SLIT3: variants seen among roughly 807,000 people sequenced by gnomAD.
SLIT3 encodes slit guidance ligand 3.
SLIT3 carries 68 observed loss-of-function variants against 184.0 expected under a neutral mutation model. That is an observed-to-expected ratio of 0.37 (90% confidence interval 0.30 to 0.45). The LOEUF is 0.45. Ranked by LOEUF, SLIT3 falls within the 20% of genes least tolerant of loss-of-function variation. SLIT3 has a pLI of 1.00. For synonymous variants in SLIT3, 831 were observed against 828.6 expected (o/e 1.00, Z -0.05); for missense variants, 1,707 against 2,026.0 (o/e 0.84, Z 3.02).
intron 5 of SLIT3, among the ~76,000 whole-genome samples, chr5:168,856,786 TGTGTGTGTGTGTGTGTGTGTGC>T (rs1306397785): frequency 6.9e-6 from 1 of 145,414 alleles, no homozygotes; most frequent in Non-Finnish European, 1.5e-5. Context: ...TGTGTGTGTG[TGTGTGTGTGTGTGTGTGTGTGC>T]GCGCGCGCGC....
chr5:169,209,460 T>A (rs56735780), intron 3 of SLIT3, among the ~76,000 whole-genome samples: 9,654 of 152,214 alleles, frequency 0.063, 400 homozygotes, highest in Middle Eastern at 0.1. Context: ...ACCCAAAGAA[T>A]TATAAATCAT....
intron 1 of SLIT3, among the ~76,000 whole-genome samples, chr5:169,255,994 A>T (rs2113603675): frequency 6.6e-6 from 1 of 152,330 alleles, no homozygotes; most frequent in African/African-American, 2.4e-5. Flanking sequence ...AGTGAATAGT[A>T]ATGTCCTAGG....
intron 4 of SLIT3, among the ~76,000 whole-genome samples, chr5:169,122,220 C>G (rs1019644720): frequency 6.6e-6 from 1 of 152,208 alleles, no homozygotes; most frequent in Non-Finnish European, 1.5e-5. Flanking sequence ...GAAACACACT[C>G]AGTTATTACA....
At chr5:168,677,548 A>G (rs1761453421) in intron 32 of SLIT3, among the ~76,000 whole-genome samples, 1 of 152,176 alleles carries the variant, frequency 6.6e-6, no homozygotes, top group African/African-American at 2.4e-5. Context: ...TCCCTGGTTC[A>G]AGCAATTTTC....
chr5:169,271,530 A>C (rs66954503), intron 1 of SLIT3, among the ~76,000 whole-genome samples: 42,582 of 152,036 alleles, frequency 0.28, 7,204 homozygotes, highest in Non-Finnish European at 0.39. Flanking sequence ...GGGCATTGCG[A>C]GGGGGTAGAG....
rs779626120 is a variant in SLIT3 at position 169,008,291 on chromosome 5, A to G, written c.414-124955T>C. 1.3e-5 allele frequency among the ~76,000 whole-genome samples: 2 copies of G among 152,342 alleles called. 1 individual carries two copies. Among genetic ancestry groups the G allele is most frequent in the Middle Eastern group, 6.8e-3 (2 of 294 alleles). ...AAGCAAATGATTCCTGTGGGCAGTCATCTTTGGGTCACCACATAATCTGTG... is the reference window on the plus strand; with the variant it reads ...AAGCAAATGATTCCTGTGGGCAGTCGTCTTTGGGTCACCACATAATCTGTG... On this transcript the variant is annotated intron_variant, in intron 4 of 35. Transcript: ENST00000519560.
intron 4 of SLIT3, among the ~76,000 whole-genome samples, chr5:168,897,285 C>A (rs1003443875): frequency 6.6e-5 from 10 of 152,140 alleles, no homozygotes; most frequent in African/African-American, 2.4e-4. Context: ...TGTCTTTCCT[C>A]TTTTCCATCT....
At chr5:169,068,778 C>T (rs1389922082) in intron 4 of SLIT3, among the ~76,000 whole-genome samples, 1 of 151,908 alleles carries the variant, frequency 6.6e-6, no homozygotes, top group East Asian at 1.9e-4. Flanking sequence ...GAAGCTCTGC[C>T]ACAGTGCCTT....
intron 23 of SLIT3, among the ~76,000 whole-genome samples, chr5:168,716,879 C>G (rs1450437933): frequency 2.0e-5 from 3 of 149,834 alleles, no homozygotes; most frequent in Non-Finnish European, 4.4e-5. Flanking sequence ...GCTAGGAGCC[C>G]AGAGGTGAGT....
At chr5:169,217,987 G>A (rs143249484) in intron 3 of SLIT3, among the ~76,000 whole-genome samples, 156 of 152,298 alleles carry the variant, frequency 1.0e-3, no homozygotes, top group African/African-American at 2.5e-3. Flanking sequence ...AGACCTTTTC[G>A]TCTCACACCC....
chr5:169,208,742 C>G (rs1764157246), intron 3 of SLIT3, among the ~76,000 whole-genome samples: 1 of 152,160 alleles, frequency 6.6e-6, no homozygotes, highest in Non-Finnish European at 1.5e-5. Context: ...ATGCAGAAAA[C>G]TGAAACTGGA....
In SLIT3 at chr5:168,684,086, T is replaced by G. The variant is rs766120712; in HGVS notation, c.3566A>C (p.Asp1189Ala). 2 of 1,598,336 alleles carry G rather than the reference T, an allele frequency of 1.3e-6. No individual in the cohort carries two copies. The highest frequency in any genetic ancestry group is 4.6e-5 in the East Asian group (2 of 43,670). Residue 1189 changes from aspartate (D) to alanine (A), a missense_variant, in exon 32 of 36, where the codon GAC becomes GCC. Asp to Ala is a moderately radical substitution (Grantham distance 126, BLOSUM62 -2). This residue lies in a region of SLIT3 where 387 missense variants were observed against 477.9 expected (regional missense o/e 0.81). Coordinates refer to ENST00000519560, the MANE Select transcript of SLIT3 (RefSeq NM_003062.4). ...GTAGAGAAGGATGCCGTTGTCCTTG[T>G]CAGTGGCCACCTGGAGAAAGCAGCC... ...QANISLQVAT[D>A]KDNGILLYKG...
At chr5:168,682,703 A>G (rs140396147) in intron 32 of SLIT3, among the ~76,000 whole-genome samples, 4 of 152,286 alleles carry the variant, frequency 2.6e-5, no homozygotes, top group African/African-American at 9.6e-5. Flanking sequence ...TAAGTTTAAT[A>G]TAAGATTTTA....
chr5:169,016,672 G>A (rs913614211), intron 4 of SLIT3, among the ~76,000 whole-genome samples: 2 of 152,034 alleles, frequency 1.3e-5, no homozygotes, highest in African/African-American at 4.8e-5. Context: ...ACAGATCAAC[G>A]ACAGCACAGT....
chr5:169,292,169 CTG>C (rs1308202920), intron 1 of SLIT3, among the ~76,000 whole-genome samples: 1 of 152,206 alleles, frequency 6.6e-6, no homozygotes, highest in Non-Finnish European at 1.5e-5. Context: ...AGGGAAATCA[CTG>C]TGTTTAAAAA....
chr5:169,144,711 C>A (rs564294460), intron 4 of SLIT3, among the ~76,000 whole-genome samples: 1 of 152,332 alleles, frequency 6.6e-6, no homozygotes, highest in African/African-American at 2.4e-5. Context: ...TCCAGGCCTT[C>A]GGGCTGACTT....
chr5:169,198,483 C>T (rs1375474541), intron 3 of SLIT3, among the ~76,000 whole-genome samples: 3 of 152,124 alleles, frequency 2.0e-5, no homozygotes, highest in African/African-American at 7.2e-5. Flanking sequence ...AGGTGACCTG[C>T]GAACACAAGT....
chr5:169,106,369 G>A (rs994576215), intron 4 of SLIT3, among the ~76,000 whole-genome samples: 5 of 152,158 alleles, frequency 3.3e-5, no homozygotes, highest in South Asian at 2.1e-4. Context: ...GGCTTGTGAT[G>A]AGGGTCTGTA....
At position 168,764,576 on chromosome 5, in the gene SLIT3, C is replaced by G. The variant is rs139613342; in HGVS notation, c.1460-1887G>C. Among the ~76,000 whole-genome samples the G allele has an allele frequency of 2.4e-3, 360 of 152,256 alleles. 16 individuals carry two copies. The East Asian group carries it at 0.062, about 26-fold the overall frequency. On this transcript the variant is annotated intron_variant, in intron 14 of 35. Transcript: ENST00000519560. ...TGGTGAAGGACGCAGATCTCTCCCACCCTCTTAGTTTTGCATGCCTTCTGT... is the reference window on the plus strand; with the variant it reads ...TGGTGAAGGACGCAGATCTCTCCCAGCCTCTTAGTTTTGCATGCCTTCTGT...
Sources: allele counts gnomAD v4.1 joint callset (sites outside exome capture counted in the v4.1 genomes callset), GRCh38; gene constraint gnomAD v4.1.1; regional missense constraint gnomAD v4.1.1; transcripts MANE v1.5; gene names NCBI Gene and HGNC (gene_info 2026-07-23, HGNC 2026-07-21).